The following ZYG11B variants were observed in gnomAD, a reference collection of about 807,000 sequenced individuals.
The protein encoded by ZYG11B is protein zyg-11 homolog B.
In ZYG11B, 36 loss-of-function variants were observed where a neutral mutation model predicts 82.4. The observed-to-expected ratio is 0.44, with a 90% CI of 0.33 to 0.58. The LOEUF (loss-of-function observed/expected upper bound fraction) is 0.58, where lower values mean the gene tolerates loss of function less well. Ranked by LOEUF, ZYG11B falls within the 20% of genes least tolerant of loss-of-function variation. The pLI is 0.02. For synonymous variants in ZYG11B, 303 were observed against 312.8 expected (o/e 0.97, Z 0.33); for missense variants, 552 against 895.6 (o/e 0.62, Z 4.90).
At chr1:52,727,292 T>C (rs1644294419) in intron 1 of ZYG11B, among the ~76,000 whole-genome samples, 1 of 152,034 alleles carries the variant, frequency 6.6e-6, no homozygotes, top group African/African-American at 2.4e-5. Flanking sequence ...CCGGGAGCTG[T>C]AGGGCGGGCA....
At chr1:52,751,936 C>T (rs1644528406) in intron 1 of ZYG11B, among the ~76,000 whole-genome samples, 1 of 151,792 alleles carries the variant, frequency 6.6e-6, no homozygotes, top group Admixed American at 6.6e-5. Flanking sequence ...GTACTCTCAA[C>T]ACAGAACACT....
At chr1:52,802,373 G>T (rs1237574378) in intron 10 of ZYG11B, among the ~76,000 whole-genome samples, 1 of 135,118 alleles carries the variant, frequency 7.4e-6, no homozygotes, top group Admixed American at 7.7e-5. Context: ...TTTGAGACAG[G>T]GTCTCACTTT....
chr1:52,803,083 T>TATATACAC (rs1313322294), intron 10 of ZYG11B, among the ~76,000 whole-genome samples: 1 of 38,260 alleles, frequency 2.6e-5, no homozygotes, highest in African/African-American at 9.8e-5. Flanking sequence ...TATATATATA[T>TATATACAC]ACACATATAT....
intron 8 of ZYG11B, among the ~76,000 whole-genome samples, chr1:52,797,566 T>C (rs943307365): frequency 2.1e-5 from 3 of 140,388 alleles, no homozygotes; most frequent in African/African-American, 8.0e-5. Context: ...GGGAGTGCAG[T>C]GGTACGATCT....
At chr1:52,773,161 G>A (rs1182342022) in intron 3 of ZYG11B, among the ~76,000 whole-genome samples, 1 of 152,070 alleles carries the variant, frequency 6.6e-6, no homozygotes, top group East Asian at 1.9e-4. Flanking sequence ...AGTTGGATTT[G>A]GTAGAGCTTG....
Position 52,821,843 on chromosome 1 carries a change from A to C in ZYG11B, c.*214A>C. 2.5e-6 allele frequency: 1 copy of C among 402,230 alleles called. No homozygotes were observed. Among genetic ancestry groups the C allele is most frequent in the Non-Finnish European group, 4.4e-6 (1 of 228,932 alleles). The allele number at this position is 402,230 out of a possible 1,614,324, so 24.9% of individuals were successfully genotyped here. ...GTCAAGAAGGGTCTCTTCCTTTATC[A>C]TTGCCTTTTAGGAAATTTTCCACAT... On this transcript the variant is annotated 3_prime_UTR_variant, in exon 14 of 14. Transcript: ENST00000294353.
At position 52,782,840 on chromosome 1, in the gene ZYG11B, C is replaced by T. The variant is rs145137931; in HGVS notation, c.1093-2037C>T. Reference sequence around the variant, plus strand: ...CTTGCTGTGTTGCCCAGGCTAGTCTCGAATTCCTGACCTCAAGTGATCCTC... The same window carrying T: ...CTTGCTGTGTTGCCCAGGCTAGTCTTGAATTCCTGACCTCAAGTGATCCTC... On this transcript the variant is annotated intron_variant, in intron 4 of 13. Transcript: ENST00000294353. 1.5e-3 allele frequency among the ~76,000 whole-genome samples: 232 copies of T among 151,934 alleles called. 2 individuals carry two copies. Among genetic ancestry groups the T allele is most frequent in the African/African-American group, 5.3e-3 (219 of 41,438 alleles).
chr1:52,783,893 C>CGTGTGTGTGTATGTACATAT lies in ZYG11B; in HGVS notation c.1093-984_1093-983insGTGTGTGTGTATGTACATAT, dbSNP rs1179552191. On this transcript the variant is annotated intron_variant, in intron 4 of 13. Transcript: ENST00000294353. ...ATACACGTGTGTGTATATGTACATA[C>CGTGTGTGTGTATGTACATAT]ACGTGTGTGTATATACATCTATACA... Among the ~76,000 whole-genome samples the CGTGTGTGTGTATGTACATAT allele has an allele frequency of 2.5e-3, 201 of 81,968 alleles. 2 individuals carry two copies. Among genetic ancestry groups the CGTGTGTGTGTATGTACATAT allele is most frequent in the Middle Eastern group, 5.3e-3 (1 of 188 alleles). The allele number at this position is 81,968 out of a possible 152,430, so 53.8% of individuals were successfully genotyped here.
intron 3 of ZYG11B, chr1:52,772,098 G>C (rs1326405269): frequency 9.5e-6 from 8 of 839,460 alleles, no homozygotes; most frequent in Admixed American, 2.0e-5. Flanking sequence ...ATAATGTTTA[G>C]CTATTTTGAA....
intron 2 of ZYG11B, among the ~76,000 whole-genome samples, chr1:52,758,027 C>G (rs1021204445): frequency 6.6e-6 from 1 of 151,596 alleles, no homozygotes; most frequent in African/African-American, 2.4e-5. Flanking sequence ...TGGTGAAACC[C>G]CGTCTTTACT....
At chr1:52,769,965 T>C (rs1382112271) in intron 2 of ZYG11B, among the ~76,000 whole-genome samples, 1 of 151,716 alleles carries the variant, frequency 6.6e-6, no homozygotes, top group Non-Finnish European at 1.5e-5. Flanking sequence ...CTTGTGACAC[T>C]GTTGATTGGT....
At chr1:52,739,045 G>T (rs532083259) in intron 1 of ZYG11B, among the ~76,000 whole-genome samples, 1 of 136,086 alleles carries the variant, frequency 7.3e-6, no homozygotes, top group South Asian at 2.4e-4. Flanking sequence ...GCAGTGACAC[G>T]ATCTTGGCTC....
intron 10 of ZYG11B, among the ~76,000 whole-genome samples, chr1:52,803,087 C>CACATATATATATAT (rs1471683117): frequency 8.9e-5 from 2 of 22,550 alleles, no homozygotes; most frequent in Non-Finnish European, 2.1e-4. Context: ...TATATATACA[C>CACATATATATATAT]ATATATATAT....
chr1:52,751,741 A>G (rs1316442567), intron 1 of ZYG11B, among the ~76,000 whole-genome samples: 1 of 152,116 alleles, frequency 6.6e-6, no homozygotes. Context: ...TTGTATGCTA[A>G]TGAGTTGACT....
At chr1:52,750,556 A>AG (rs1644513192) in intron 1 of ZYG11B, among the ~76,000 whole-genome samples, 1 of 152,174 alleles carries the variant, frequency 6.6e-6, no homozygotes, top group Admixed American at 6.6e-5. Context: ...TACAGGTGTG[A>AG]GCCATCGTGC....
intron 13 of ZYG11B, among the ~76,000 whole-genome samples, chr1:52,819,963 A>G (rs1443006550): frequency 1.4e-4 from 21 of 150,064 alleles, no homozygotes; most frequent in African/African-American, 4.9e-5. Context: ...CGTCCAGGCT[A>G]GAGTGCAGTG....
rs1645202138 is a variant in ZYG11B at position 52,813,717 on chromosome 1, C to T, written c.1877C>T (p.Ser626Phe). The T allele has an allele frequency of 6.2e-7, 1 of 1,613,972 alleles. No individual in the cohort carries two copies. Residue 626 changes from serine (S) to phenylalanine (F), a missense_variant, in exon 11 of 14, where the codon TCT becomes TTT. Around this residue, in one of 3 missense-constraint regions of ZYG11B, gnomAD observed 127 missense variants for 163.4 expected, o/e 0.78. Transcript: ENST00000294353. ...ACATTGAGTCGTAGCCAGAGGAATT[C>T]TCTGCTGGATGATTTGGTAGGGTCA... ...AWTLSRSQRN[S>F]LLDDLHSAIL... is the part of the protein sequence containing the mutation.
intron 1 of ZYG11B, among the ~76,000 whole-genome samples, chr1:52,736,387 C>T (rs12033279): frequency 0.12 from 18,278 of 152,094 alleles, 2,474 homozygotes; most frequent in East Asian, 0.35. Flanking sequence ...TCAAGTGATT[C>T]TCCCACCTCA....
At chr1:52,772,301 G>C (rs1644759815) in intron 3 of ZYG11B, 1 of 1,369,708 alleles carries the variant, frequency 7.3e-7, no homozygotes, top group Non-Finnish European at 1.0e-6. Context: ...CTCTCTATCA[G>C]AATCAGATGG....
Sources: gnomAD v4.1 joint callset for allele counts (sites outside exome capture counted in the v4.1 genomes callset) on GRCh38, gnomAD v4.1.1 for gene constraint, gnomAD v4.1.1 regional missense constraint, MANE v1.5 for transcripts, NCBI Gene and HGNC (gene_info 2026-07-23, HGNC 2026-07-21) for gene names.